NUDT9: variants seen among roughly 807,000 people sequenced by gnomAD.
NUDT9 encodes the protein nudix hydrolase 9, also known as ADP-ribose pyrophosphatase.
A neutral mutation model predicts 41.0 loss-of-function variants in NUDT9; 31 were observed. The observed-to-expected ratio is 0.76, with a 90% CI of 0.57 to 1.02. The LOEUF (loss-of-function observed/expected upper bound fraction) is 1.02. Ranked by LOEUF, NUDT9 falls within the 50% of genes least tolerant of loss-of-function variation. NUDT9 has a pLI of 0.00. For missense variants in NUDT9, 380 were observed against 431.4 expected (o/e 0.88, Z 1.06); for synonymous variants, 146 against 147.6 (o/e 0.99, Z 0.08).
chr4:87,424,259 T>A (rs1017503464), intron 1 of NUDT9, among the ~76,000 whole-genome samples: 2,485 of 71,884 alleles, frequency 0.035, 81 homozygotes, highest in African/African-American at 0.09. Flanking sequence ...AATGCGTTTT[T>A]TTTTTTTTTT....
chr4:87,458,099 A>G lies in NUDT9; in HGVS notation c.*78A>G, dbSNP rs1723069731. On this transcript the variant is annotated 3_prime_UTR_variant, in exon 8 of 8. Transcript: ENST00000302174. ...AAGGCAGTATCACAGAATTTATACT[A>G]TAAAAAGGGCAGGGTAGGCCACTTG... The G allele has an allele frequency of 7.3e-7, 1 of 1,361,876 alleles. No homozygotes were observed. The highest frequency in any genetic ancestry group is 9.6e-7 in the Non-Finnish European group (1 of 1,038,638). 84.4% of individuals were successfully genotyped at this position (1,361,876 alleles called of 1,614,324 possible).
At chr4:87,449,095 T>G in intron 4 of NUDT9, 47 bp from the exon 5 acceptor site, 1 of 1,090,492 alleles carries the variant, frequency 9.2e-7, no homozygotes, top group South Asian at 1.3e-5. Flanking sequence ...AGATAGAACC[T>G]TAGTTTTTGT....
In NUDT9 at chr4:87,449,240, G is replaced by C. The variant is rs1221343558; in HGVS notation, c.629G>C (p.Trp210Ser). The C allele has an allele frequency of 4.4e-6, 7 of 1,576,460 alleles. No individual in the cohort carries two copies. The highest frequency in any genetic ancestry group is 1.3e-5 in the African/African-American group (1 of 74,196). ...VAIKRKDCGE[W>S]AIPGGMVDPG... ...ATAAAAAGGAAAGACTGTGGAGAATGGGCAATCCCAGGGGTAAGCATTAAA... is the reference window on the plus strand; with the variant it reads ...ATAAAAAGGAAAGACTGTGGAGAATCGGCAATCCCAGGGGTAAGCATTAAA... The change falls in exon 5 of 8, where the codon TGG (tryptophan) becomes TCG (serine). Residue 210 changes from tryptophan to serine, a missense_variant. By Grantham distance (177) the Trp-to-Ser change is radical. Transcript: ENST00000302174.
At position 87,434,996 on chromosome 4, in the gene NUDT9, T is replaced by C; in HGVS notation, c.123T>C (p.Ser41=). The C allele has an allele frequency of 6.2e-7, 1 of 1,608,778 alleles. No individual in the cohort carries two copies. Among genetic ancestry groups the C allele is most frequent in the Non-Finnish European group, 8.5e-7 (1 of 1,178,318 alleles). Residue 41 remains serine (S), a synonymous_variant, in exon 2 of 8, where the codon TCT becomes TCC. Transcript: ENST00000302174. ...GIQAFRNSFS[S]SWFHLNTNVM... ...TCTCCCCCAGAAACTCGTTTTCATC[T>C]TCTTGGTTTCATCTTAATACCAACG...
intron 4 of NUDT9, chr4:87,445,380 C>G (rs918685195): frequency 1.3e-5 from 2 of 152,164 alleles, no homozygotes; most frequent in East Asian, 3.9e-4. Flanking sequence ...ATTTCACCCC[C>G]CTTTCTTTCA....
chr4:87,438,294 C>T lies in NUDT9; in HGVS notation c.365C>T (p.Pro122Leu), dbSNP rs1392312907. ...DPQISESNFS[P>L]KFNEKDGHVE... is the part of the protein sequence containing the mutation. ...CATTACAGTGAAAGTAATTTTTCTC[C>T]CAAGTTTAACGAAAAGGATGGGCAT... Residue 122 changes from proline (P) to leucine (L), a missense_variant, in exon 3 of 8, where the codon CCC becomes CTC. Coordinates refer to ENST00000302174, the MANE Select transcript of NUDT9 (RefSeq NM_024047.5). The T allele has an allele frequency of 1.9e-6, 3 of 1,604,460 alleles. No homozygotes were observed. Among genetic ancestry groups the T allele is most frequent in the Non-Finnish European group, 2.6e-6 (3 of 1,172,532 alleles).
intron 1 of NUDT9, among the ~76,000 whole-genome samples, chr4:87,433,977 G>A (rs1460916467): frequency 1.3e-5 from 2 of 151,828 alleles, no homozygotes; most frequent in Non-Finnish European, 2.9e-5. Context: ...TTTGCCATAC[G>A]TTTTATGTGT....
At chr4:87,423,256 C>A (rs1281438337) in intron 1 of NUDT9, among the ~76,000 whole-genome samples, 1 of 152,142 alleles carries the variant, frequency 6.6e-6, no homozygotes, top group Admixed American at 6.5e-5. Flanking sequence ...GTTAGTATCA[C>A]GAGAGAGTTT....
In NUDT9 at chr4:87,435,986, A is replaced by G. The variant is rs929632241; in HGVS notation, c.347+766A>G. On this transcript the variant is annotated intron_variant, in intron 2 of 7. Coordinates refer to ENST00000302174, the MANE Select transcript of NUDT9 (RefSeq NM_024047.5). ...ACTCTCAGCGAGTTTCAAGTATACA[A>G]TACTGTATTATTACTATTTTTGAGA... Among the ~76,000 whole-genome samples, 4 of 151,530 alleles carry G rather than the reference A, an allele frequency of 2.6e-5. No homozygotes were observed. In the Admixed American group the frequency reaches 2.6e-4, roughly 10 times the overall value.
intron 4 of NUDT9, 96 bp from the exon 5 acceptor site, chr4:87,449,046 C>T: frequency 1.5e-6 from 1 of 673,702 alleles, no homozygotes; most frequent in South Asian, 1.8e-5. Context: ...ATATACTCTG[C>T]TTTAAAGAAA....
Position 87,458,137 on chromosome 4 carries a change from T to C in NUDT9, c.*116T>C. 1.1e-6 allele frequency: 1 copy of C among 887,010 alleles called. No individual in the cohort carries two copies. The highest frequency in any genetic ancestry group is 3.1e-5 in the East Asian group (1 of 32,306). 54.9% of individuals were successfully genotyped at this position (887,010 alleles called of 1,614,324 possible). On this transcript the variant is annotated 3_prime_UTR_variant, in exon 8 of 8. Transcript: ENST00000302174. ...GGTAGGCCACTTGGCCTATTTACTT[T>C]CAAAACAATTTGCATTTAGAGTGTT...
At chr4:87,433,769 G>A (rs1721787577) in intron 1 of NUDT9, among the ~76,000 whole-genome samples, 1 of 152,160 alleles carries the variant, frequency 6.6e-6, no homozygotes, top group Non-Finnish European at 1.5e-5. Flanking sequence ...TGTGTGGTTA[G>A]GGTGAAGGTT....
In NUDT9 at chr4:87,459,053, A is replaced by G. The variant is rs537891731; in HGVS notation, c.*1032A>G. 2.2e-4 allele frequency: 33 copies of G among 152,356 alleles called. No individual in the cohort carries two copies. The highest frequency in any genetic ancestry group is 2.2e-3 in the Admixed American group (33 of 15,304). 9.4% of individuals were successfully genotyped at this position (152,356 alleles called of 1,614,324 possible). Reference sequence around the variant, plus strand: ...CATGAAATCAACCTAAATGTTCATCAGTGATAGACTGGATAAAGACAATGT... The same window carrying G: ...CATGAAATCAACCTAAATGTTCATCGGTGATAGACTGGATAAAGACAATGT... On this transcript the variant is annotated 3_prime_UTR_variant, in exon 8 of 8. Coordinates refer to ENST00000302174, the MANE Select transcript of NUDT9 (RefSeq NM_024047.5).
chr4:87,426,829 A>G (rs1419537025), intron 1 of NUDT9, among the ~76,000 whole-genome samples: 1 of 151,318 alleles, frequency 6.6e-6, no homozygotes, highest in East Asian at 2.0e-4. Flanking sequence ...TGAGCCTAGG[A>G]GTTCAGGACC....
At chr4:87,457,667 G>GT (rs1320239077) in intron 7 of NUDT9, among the ~76,000 whole-genome samples, 176 bp from the exon 8 acceptor site, 1 of 151,826 alleles carries the variant, frequency 6.6e-6, no homozygotes, top group Non-Finnish European at 1.5e-5. Context: ...GAATACTCTA[G>GT]TTTTTTTTCT....
chr4:87,453,180 G>A (rs899843205), intron 6 of NUDT9, among the ~76,000 whole-genome samples: 2 of 152,038 alleles, frequency 1.3e-5, no homozygotes, highest in South Asian at 2.1e-4. Context: ...TATTTATGTT[G>A]TCCAGATTTT....
intron 1 of NUDT9, among the ~76,000 whole-genome samples, chr4:87,431,247 T>C (rs1160605193): frequency 1.3e-5 from 2 of 152,246 alleles, no homozygotes; most frequent in African/African-American, 2.4e-5. Context: ...AAAATTATTG[T>C]GAGGATTTAT....
intron 1 of NUDT9, among the ~76,000 whole-genome samples, chr4:87,423,733 G>GT (rs565520987): frequency 2.0e-4 from 30 of 152,166 alleles, no homozygotes; most frequent in Middle Eastern, 3.2e-3. Flanking sequence ...TCTCGAACAT[G>GT]TGATGGGCAC....
intron 1 of NUDT9, among the ~76,000 whole-genome samples, chr4:87,428,779 A>G (rs1269765741): frequency 1.3e-5 from 2 of 152,178 alleles, no homozygotes; most frequent in Admixed American, 1.3e-4. Context: ...AATTGAGCTA[A>G]AGATAAGAGA....
Sources: allele counts gnomAD v4.1 joint callset (sites outside exome capture counted in the v4.1 genomes callset), GRCh38; gene constraint gnomAD v4.1.1; transcripts MANE v1.5; gene names NCBI Gene and HGNC (gene_info 2026-07-23, HGNC 2026-07-21).